Variants in PLCH2 observed in about 807,000 individuals in gnomAD.
PLCH2 encodes the protein phospholipase C eta 2.
PLCH2 carries 98 observed loss-of-function variants against 134.7 expected under a neutral mutation model. The ratio of observed to expected loss-of-function variants is 0.73; its 90% confidence interval spans 0.62 to 0.86. The LOEUF (loss-of-function observed/expected upper bound fraction) is 0.86. Ranked by LOEUF, PLCH2 falls within the 40% of genes least tolerant of loss-of-function variation. The probability of loss-of-function intolerance (pLI) is 0.00; values close to 1 mark genes in which losing one functional copy is unlikely to be tolerated. For synonymous variants in PLCH2, 974 were observed against 827.5 expected, an observed-to-expected ratio of 1.18 and a Z score of -3.04; for missense variants, 1,994 against 1,986.6, an observed-to-expected ratio of 1.00 and a Z score of -0.07.
intron 2 of PLCH2, among the ~76,000 whole-genome samples, chr1:2,433,614 G>A (rs1330189791): frequency 6.6e-6 from 1 of 152,196 alleles, no homozygotes; most frequent in Non-Finnish European, 1.5e-5. Context: ...ACTCAGATCT[G>A]CGTTTTCCTT....
At chr1:2,443,474 G>A (rs965764528) in intron 2 of PLCH2, among the ~76,000 whole-genome samples, 40 of 152,240 alleles carry the variant, frequency 2.6e-4, no homozygotes, top group African/African-American at 8.7e-4. Context: ...TCCCGGTCCC[G>A]CCGGCTGGGG....
Position 2,498,286 on chromosome 1 carries a change from T to C in PLCH2, c.2225-237T>C. The C allele has an allele frequency of 2.2e-6, 1 of 453,202 alleles. No homozygotes were observed. 28.1% of individuals were successfully genotyped at this position (453,202 alleles called of 1,614,324 possible). A position where few individuals can be genotyped will look rare whatever the true frequency, so the allele number is the denominator to read the frequency against. Reference sequence around the variant, plus strand: ...CCAGAAGCCATGTGACCTCCTCGGCTCAGCTGTGGGAGGCATGGGCTCTGT... The same window carrying C: ...CCAGAAGCCATGTGACCTCCTCGGCCCAGCTGTGGGAGGCATGGGCTCTGT... On this transcript the variant is annotated intron_variant, in intron 16 of 21. Coordinates refer to ENST00000378486, the MANE Select transcript of PLCH2 (RefSeq NM_014638.4). The surrounding 1 kb of genome is among the most constrained non-coding windows in gnomAD (Gnocchi z 5.4).
intron 12 of PLCH2, 70 bp from the exon 13 acceptor site, chr1:2,495,417 AC>A: frequency 9.7e-6 from 13 of 1,334,768 alleles, no homozygotes; most frequent in Admixed American, 4.3e-5. Flanking sequence ...GCCCTCCCCA[AC>A]CCCCCAGCCT....
intron 19 of PLCH2, 63 bp from the exon 20 acceptor site, chr1:2,499,578 C>A (rs1643098715): frequency 8.1e-7 from 1 of 1,228,360 alleles, no homozygotes; most frequent in Non-Finnish European, 1.2e-6. Context: ...GAATGGGGGG[C>A]AGAGCAGGTG....
chr1:2,452,005 C>T (rs1021576121), intron 2 of PLCH2, among the ~76,000 whole-genome samples: 11 of 152,226 alleles, frequency 7.2e-5, no homozygotes, highest in Non-Finnish European at 1.2e-4. Context: ...CTGCCGTGGG[C>T]CTGTCGGAGG....
At position 2,504,637 on chromosome 1, in the gene PLCH2, C is replaced by T. The variant is rs767205576; in HGVS notation, c.3675C>T (p.Ala1225=). 1.9e-6 allele frequency: 3 copies of T among 1,612,706 alleles called. No individual in the cohort carries two copies. Among genetic ancestry groups the T allele is most frequent in the Non-Finnish European group, 2.5e-6 (3 of 1,179,820 alleles). The change falls in exon 22 of 22, where the codon GCC becomes GCT. Residue 1225 remains alanine (A), a synonymous_variant. Transcript: ENST00000378486. ...ACGAACTGCAGCCCAGGTCCCTGGC[C>T]CCAAGGATGGCTGGCCTCCCCTTCC... The part of the protein sequence containing the change: ...IPDELQPRSL[A]PRMAGLPFRP...
At chr1:2,503,296 TG>T in intron 21 of PLCH2, 2 of 568,008 alleles carry the variant, frequency 3.5e-6, no homozygotes, top group Non-Finnish European at 6.3e-6. Context: ...TTCCTGGGAC[TG>T]GGGGCCACGT....
intron 2 of PLCH2, among the ~76,000 whole-genome samples, chr1:2,459,120 G>A (rs982847311): frequency 6.6e-6 from 1 of 152,284 alleles, no homozygotes; most frequent in African/African-American, 2.4e-5. Flanking sequence ...CGGCCTTGGT[G>A]ATGCCAGGTG....
Position 2,497,805 on chromosome 1 carries a change from G to A in PLCH2, c.2224+196G>A, listed in dbSNP as rs1033500125. On this transcript the variant is annotated intron_variant, in intron 16 of 21. Transcript: ENST00000378486. The stretch of plus-strand genomic sequence containing the variant: ...GGGTGGGGGAACCCTCCTTGCTAGC[G>A]TTGCAAAGAAGGGCCCAGCTCCGTC... 1.2e-4 allele frequency: 62 copies of A among 536,106 alleles called. 1 individual carries two copies. The East Asian group carries it at 1.4e-3, about 12-fold the overall frequency. 33.2% of individuals were successfully genotyped at this position (536,106 alleles called of 1,614,324 possible).
chr1:2,473,072 G>C (rs192317600), upstream of PLCH2, among the ~76,000 whole-genome samples: 1 of 152,160 alleles, frequency 6.6e-6, no homozygotes, highest in African/African-American at 2.4e-5. Context: ...GGACAAGATC[G>C]ATCTCCGCCA....
chr1:2,462,563 C>T (rs527585833), upstream of PLCH2, among the ~76,000 whole-genome samples: 4 of 152,060 alleles, frequency 2.6e-5, no homozygotes, highest in Non-Finnish European at 4.4e-5. Flanking sequence ...GGGGCAACTA[C>T]GGTCAGTCTG....
rs1345203206 is a variant in PLCH2, at chr1:2,444,473, G to A, written c.115+13844G>A. On this transcript the variant is annotated intron_variant, in intron 2 of 3. Transcript: ENST00000609981. This position sits in a 1 kb window ranked among gnomAD's most constrained non-coding sequence, Gnocchi z 4.6. ...TGCAGCGGGCACTGCCCGGGCAGGC[G>A]GGAGCTCCGGAGGCCCTGGGGCGGC... 5.9e-5 allele frequency among the ~76,000 whole-genome samples: 9 copies of A among 152,174 alleles called. No individual in the cohort carries two copies. Among genetic ancestry groups the A allele is most frequent in the African/African-American group, 1.9e-4 (8 of 41,438 alleles).
At chr1:2,488,396 C>T (rs977820499) in intron 8 of PLCH2, among the ~76,000 whole-genome samples, 4 of 152,168 alleles carry the variant, frequency 2.6e-5, no homozygotes, top group African/African-American at 9.7e-5. Context: ...AGAGTTGCAC[C>T]TATGACCAGT....
intron 10 of PLCH2, 27 bp downstream of exon 10, chr1:2,489,894 G>A (rs1008386417): frequency 4.7e-6 from 7 of 1,491,680 alleles, no homozygotes; most frequent in East Asian, 2.3e-5. Flanking sequence ...GTGGAGGGGG[G>A]CGCGTGGAGC....
At chr1:2,466,954 C>T (rs538167402), upstream of PLCH2, among the ~76,000 whole-genome samples, 49 of 152,274 alleles carry the variant, frequency 3.2e-4, no homozygotes, top group Non-Finnish European at 5.9e-5. Flanking sequence ...CCTCCCCCAA[C>T]GCTGGACGCC....
chr1:2,464,013 C>T (rs12040359), upstream of PLCH2, among the ~76,000 whole-genome samples: 22,852 of 152,260 alleles, frequency 0.15, 2,187 homozygotes, highest in East Asian at 0.34. Flanking sequence ...ACACTCAGGG[C>T]ACCCCTTGCT....
At position 2,479,740 on chromosome 1, in the gene PLCH2, TCGACTC is replaced by T; in HGVS notation, c.280_285del (p.Asp94_Ser95del). ...CTCCCTCCCCACCCCGCAGTCTCCA[TCGACTC>T]CATCCAGGAGGTGAGTGAGGGGCGG... On this transcript the variant is annotated inframe_deletion, in exon 3 of 22. Transcript: ENST00000378486. 1 of 1,539,976 alleles carries T rather than the reference TCGACTC, an allele frequency of 6.5e-7. No homozygotes were observed. Among genetic ancestry groups the T allele is most frequent in the Non-Finnish European group, 8.8e-7 (1 of 1,138,496 alleles).
chr1:2,499,126 A>G lies in PLCH2; in HGVS notation c.2477A>G (p.His826Arg), dbSNP rs1470580728. The G allele has an allele frequency of 6.2e-7, 1 of 1,612,610 alleles. No individual in the cohort carries two copies. ...GAGGAGACCCTGGTTTTCATGGTGC[A>G]CATGCCGGAGATCGCGCTGGTCCGC... is the stretch of plus-strand genomic sequence containing the variant. ...TWEETLVFMV[H>R]MPEIALVRFL... The change falls in exon 19 of 22, where the codon CAC becomes CGC. Residue 826 changes from histidine (H) to arginine (R), a missense_variant. This residue lies in a region of PLCH2 where 1,094 missense variants were observed against 1,234.3 expected (regional missense o/e 0.89). Transcript: ENST00000378486.
rs1639580594 is a variant in PLCH2, at chr1:2,439,314, G to T, written c.115+8685G>T. On this transcript the variant is annotated intron_variant, in intron 2 of 3. Coordinates refer to the PLCH2 transcript ENST00000609981. This position sits in a 1 kb window ranked among gnomAD's most constrained non-coding sequence, Gnocchi z 4.7. ...GCAGCAAGGTGCCTGGGGGGTCTCA[G>T]AGCAGGAGGCTCAGCCCTGCCCACC... is the stretch of plus-strand genomic sequence containing the variant. 6.6e-6 allele frequency among the ~76,000 whole-genome samples: 1 copy of T among 152,154 alleles called. No individual in the cohort carries two copies. The highest frequency in any genetic ancestry group is 2.1e-4 in the South Asian group (1 of 4,830).
Sources: allele counts gnomAD v4.1 joint callset (sites outside exome capture counted in the v4.1 genomes callset), GRCh38; gene constraint gnomAD v4.1.1; regional missense constraint gnomAD v4.1.1; non-coding constraint Gnocchi (gnomAD v3.1); transcripts MANE v1.5; gene names NCBI Gene and HGNC (gene_info 2026-07-23, HGNC 2026-07-21).